The following ATOH8 variants were observed in gnomAD, a reference collection of about 807,000 sequenced individuals.
ATOH8 encodes the protein atonal bHLH transcription factor 8, also known as transcription factor ATOH8.
A neutral mutation model predicts 21.2 loss-of-function variants in ATOH8; 9 were observed. The ratio of observed to expected loss-of-function variants is 0.42; its 90% confidence interval spans 0.26 to 0.74. ATOH8 has a LOEUF of 0.74. Ranked by LOEUF, ATOH8 falls within the 30% of genes least tolerant of loss-of-function variation. The probability of loss-of-function intolerance (pLI) is 0.24; values close to 1 mark genes in which losing one functional copy is unlikely to be tolerated. For missense variants in ATOH8, 524 were observed against 470.9 expected (o/e 1.11, Z -1.04); for synonymous variants, 253 against 224.0 (o/e 1.13, Z -1.16).
chr2:85,788,497 G>A lies in ATOH8; in HGVS notation c.*1607G>A, dbSNP rs1680681438. Among the ~76,000 whole-genome samples, 1 of 152,156 alleles carries A rather than the reference G, an allele frequency of 6.6e-6. No homozygotes were observed. The highest frequency in any genetic ancestry group is 2.4e-5 in the African/African-American group (1 of 41,430). ...TTTTCCAGCCCCATCACCAGTCCCA[G>A]CCCAAAGTCTCTTGTGTGGCCTTGT... On this transcript the variant is annotated 3_prime_UTR_variant, in exon 3 of 3. Transcript: ENST00000306279.
At chr2:85,780,246 G>A (rs1394844110) in intron 2 of ATOH8, 1 of 152,218 alleles carries the variant, frequency 6.6e-6, no homozygotes, top group African/African-American at 2.4e-5. Flanking sequence ...AGGTGCTCAA[G>A]AAATGCTAGC....
At chr2:85,778,646 C>G (rs1680400577) in intron 2 of ATOH8, among the ~76,000 whole-genome samples, 1 of 152,156 alleles carries the variant, frequency 6.6e-6, no homozygotes, top group East Asian at 1.9e-4. Context: ...CTGGCCAGCA[C>G]TTTGGTGTGA....
chr2:85,780,377 G>A (rs1680450916), intron 2 of ATOH8: 1 of 152,300 alleles, frequency 6.6e-6, no homozygotes, highest in African/African-American at 2.4e-5. Flanking sequence ...TGATAGGAAA[G>A]TTCTTCTGCA....
chr2:85,765,789 G>A (rs563303741), intron 2 of ATOH8, among the ~76,000 whole-genome samples: 1 of 152,322 alleles, frequency 6.6e-6, no homozygotes, highest in Non-Finnish European at 1.5e-5. Context: ...AGGGTCTTGG[G>A]CTGGGAGGAG....
At chr2:85,767,483 C>G (rs555707344) in intron 2 of ATOH8, among the ~76,000 whole-genome samples, 1 of 151,292 alleles carries the variant, frequency 6.6e-6, no homozygotes, top group African/African-American at 2.4e-5. Context: ...TGTCTACCCC[C>G]GCTCAACAGG....
chr2:85,763,143 TGATTTTGTG>T (rs1275119825), intron 1 of ATOH8, among the ~76,000 whole-genome samples: 1 of 152,186 alleles, frequency 6.6e-6, no homozygotes, highest in African/African-American at 2.4e-5. Context: ...CCTATCAGGT[TGATTTTGTG>T]GAGCTATTTC....
chr2:85,761,617 C>G (rs1258767991), intron 1 of ATOH8, among the ~76,000 whole-genome samples: 1 of 152,182 alleles, frequency 6.6e-6, no homozygotes, highest in Non-Finnish European at 1.5e-5. Context: ...AGAGCTGGGT[C>G]TTTAAGGGAA....
intron 2 of ATOH8, 123 bp downstream of exon 2, chr2:85,764,305 T>A: frequency 7.8e-7 from 1 of 1,289,190 alleles, no homozygotes; most frequent in Non-Finnish European, 1.1e-6. Context: ...CTCTTGGAGG[T>A]TTGCTGGGAG....
intron 2 of ATOH8, among the ~76,000 whole-genome samples, chr2:85,767,866 G>T (rs1573527975): frequency 6.6e-6 from 1 of 152,198 alleles, no homozygotes; most frequent in Non-Finnish European, 1.5e-5. Flanking sequence ...TCCTGCAGGG[G>T]CACAGGAGGG....
At chr2:85,774,394 C>T (rs1449746106) in intron 2 of ATOH8, 2 of 985,612 alleles carry the variant, frequency 2.0e-6, no homozygotes, top group Non-Finnish European at 2.4e-6. Flanking sequence ...TCCCCACATC[C>T]CATCCTTAAA....
At chr2:85,769,516 A>T (rs1045601527) in intron 2 of ATOH8, among the ~76,000 whole-genome samples, 1 of 152,186 alleles carries the variant, frequency 6.6e-6, no homozygotes, top group African/African-American at 2.4e-5. Context: ...GCTTCATGAG[A>T]TCTGTGTCCT....
chr2:85,777,151 A>T (rs1680350883), intron 2 of ATOH8, among the ~76,000 whole-genome samples: 1 of 152,186 alleles, frequency 6.6e-6, no homozygotes, highest in Non-Finnish European at 1.5e-5. Context: ...ATTTTGGAGA[A>T]TAAAACAGAG....
rs755323425 is a variant in ATOH8, at chr2:85,786,857, G to A, written c.961-28G>A. ...ACAGGAACCAGGTGGAGCAGGGGCA[G>A]CTTTTAATGGCTGGTCATGTCTTTC... is the stretch of plus-strand genomic sequence containing the variant. On this transcript the variant is annotated intron_variant, in intron 2 of 2. Coordinates refer to ENST00000306279, the MANE Select transcript of ATOH8 (RefSeq NM_032827.7). 6.8e-6 allele frequency: 11 copies of A among 1,613,750 alleles called. No individual in the cohort carries two copies. In the South Asian group the frequency reaches 1.1e-4, roughly 16 times the overall value.
In ATOH8 at chr2:85,785,712, G is replaced by A. The variant is rs1680608110; in HGVS notation, c.961-1173G>A. 6.6e-6 allele frequency among the ~76,000 whole-genome samples: 1 copy of A among 152,234 alleles called. No individual in the cohort carries two copies. The highest frequency in any genetic ancestry group is 1.9e-4 in the East Asian group (1 of 5,196). On this transcript the variant is annotated intron_variant, in intron 2 of 2. Coordinates refer to ENST00000306279, the MANE Select transcript of ATOH8 (RefSeq NM_032827.7). The surrounding 1 kb of genome is among the most constrained non-coding windows in gnomAD (Gnocchi z 4.1). The stretch of plus-strand genomic sequence containing the variant: ...CAAATCCTGGCACTGGCAACTTCTA[G>A]CACTTCCTTCTCGGAGCCTGGGATT...
At chr2:85,768,804 C>T (rs1206816381) in intron 2 of ATOH8, among the ~76,000 whole-genome samples, 2 of 152,200 alleles carry the variant, frequency 1.3e-5, no homozygotes. Flanking sequence ...GCCAGTGAAT[C>T]CTCCCCTTCT....
Position 85,754,779 on chromosome 2 carries a change from A to G in ATOH8, c.590A>G (p.His197Arg), listed in dbSNP as rs1679630259. 1 of 1,612,940 alleles carries G rather than the reference A, an allele frequency of 6.2e-7. No homozygotes were observed. The highest frequency in any genetic ancestry group is 8.5e-7 in the Non-Finnish European group (1 of 1,179,854). Residue 197 changes from histidine to arginine, a missense_variant, in exon 1 of 3, where the codon CAC (histidine) becomes CGC (arginine). Coordinates refer to ENST00000306279, the MANE Select transcript of ATOH8 (RefSeq NM_032827.7). ...GAAAGTTCCTACTCGTCAATTTCAC[A>G]CGTAATTTACAATAACCACCAGGAT... ...PGESSYSSIS[H>R]VIYNNHQDSS... is the part of the protein sequence containing the mutation.
chr2:85,754,261 G>A lies in ATOH8; in HGVS notation c.72G>A (p.Lys24=). 3 of 1,610,206 alleles carry A rather than the reference G, an allele frequency of 1.9e-6. No homozygotes were observed. Among genetic ancestry groups the A allele is most frequent in the Non-Finnish European group, 1.7e-6 (2 of 1,178,924 alleles). ...TVCVKELNGL[K]KLKRKGKEPA... ...GCGTGAAGGAGCTGAACGGCCTTAA[G>A]AAGCTCAAGCGGAAAGGCAAGGAGC... Residue 24 remains lysine, a synonymous_variant, in exon 1 of 3, where the codon AAG becomes AAA. Coordinates refer to ENST00000306279, the MANE Select transcript of ATOH8 (RefSeq NM_032827.7).
rs1372011591 is a variant in ATOH8, at chr2:85,789,492, G to A, written c.*2602G>A. Reference sequence around the variant, plus strand: ...AGGATTTCCCTGGAAAGTAGCCATGGGACTTGCGTCTTAAATGGTGAGTAA... The same window carrying A: ...AGGATTTCCCTGGAAAGTAGCCATGAGACTTGCGTCTTAAATGGTGAGTAA... On this transcript the variant is annotated 3_prime_UTR_variant, in exon 3 of 3. Transcript: ENST00000306279. Among the ~76,000 whole-genome samples, 1 of 152,206 alleles carries A rather than the reference G, an allele frequency of 6.6e-6. No individual in the cohort carries two copies. The highest frequency in any genetic ancestry group is 1.5e-5 in the Non-Finnish European group (1 of 68,040).
intron 2 of ATOH8, among the ~76,000 whole-genome samples, chr2:85,771,899 T>A (rs2104519171): frequency 6.6e-6 from 1 of 152,368 alleles, no homozygotes; most frequent in South Asian, 2.1e-4. Context: ...GTAACTTGCC[T>A]GGGGCCACAT....
Sources: gnomAD v4.1 joint callset for allele counts (sites outside exome capture counted in the v4.1 genomes callset) on GRCh38, gnomAD v4.1.1 for gene constraint, Gnocchi (gnomAD v3.1) non-coding constraint, MANE v1.5 for transcripts, NCBI Gene and HGNC (gene_info 2026-07-23, HGNC 2026-07-21) for gene names.